CNTNAP5: variants seen among roughly 807,000 people sequenced by gnomAD.
CNTNAP5 encodes the protein contactin-associated protein-like 5.
Under a neutral mutation model 150.2 loss-of-function variants are expected in CNTNAP5, and 72 were observed. That is an observed-to-expected ratio of 0.48 (90% confidence interval 0.40 to 0.58). CNTNAP5 has a LOEUF of 0.58. Ranked by LOEUF, CNTNAP5 falls within the 20% of genes least tolerant of loss-of-function variation. The pLI, the probability that CNTNAP5 is intolerant of heterozygous loss-of-function variation, is 0.00. For synonymous variants in CNTNAP5, 672 were observed against 619.8 expected, an observed-to-expected ratio of 1.08 and a Z score of -1.25; for missense variants, 1,636 against 1,626.2, an observed-to-expected ratio of 1.01 and a Z score of -0.10.
At chr2:124,430,284 T>C (rs1307372086) in intron 4 of CNTNAP5, among the ~76,000 whole-genome samples, 2 of 152,168 alleles carry the variant, frequency 1.3e-5, no homozygotes, top group Non-Finnish European at 2.9e-5. Flanking sequence ...TTGCTCACTA[T>C]ATACCTCTTT....
rs191896827 is a variant in CNTNAP5 at position 124,218,912 on chromosome 2, G to A, written c.83-2793G>A. Among the ~76,000 whole-genome samples the A allele has an allele frequency of 2.9e-3, 446 of 152,082 alleles. 2 individuals are homozygous for A. The highest frequency in any genetic ancestry group is 4.9e-3 in the Admixed American group (75 of 15,240). On this transcript the variant is annotated intron_variant, in intron 1 of 23. Transcript: ENST00000682447. ...CATCTCTATATTTCTCAATGGCCTC[G>A]GAGCTCCTTGAGGTCTAGACTTTAT...
intron 11 of CNTNAP5, among the ~76,000 whole-genome samples, chr2:124,607,804 T>C (rs1677284026): frequency 6.6e-6 from 1 of 151,754 alleles, no homozygotes; most frequent in Admixed American, 6.6e-5. Context: ...AATGTGGGAG[T>C]GGTTGGGAGG....
At position 124,705,353 on chromosome 2, in the gene CNTNAP5, C is replaced by A. The variant is rs181285620; in HGVS notation, c.2078-41876C>A. ...GACCAGCCTGGCCAACCTGATGAGA[C>A]CTCGTCTCTACTAAAAATAAAATAA... is the stretch of plus-strand genomic sequence containing the variant. On this transcript the variant is annotated intron_variant, in intron 13 of 23. Coordinates refer to ENST00000682447, the MANE Select transcript of CNTNAP5 (RefSeq NM_001367498.1). Among the ~76,000 whole-genome samples the A allele has an allele frequency of 2.6e-5, 4 of 152,188 alleles. No homozygotes were observed. The East Asian group carries it at 7.8e-4, about 30-fold the overall frequency.
chr2:124,214,072 C>T (rs1573840981), intron 1 of CNTNAP5, among the ~76,000 whole-genome samples: 1 of 152,002 alleles, frequency 6.6e-6, no homozygotes, highest in African/African-American at 2.4e-5. Context: ...CTGAAATGGA[C>T]AAAAAATGTA....
rs547068661 is a variant in CNTNAP5 at position 124,513,860 on chromosome 2, C to T, written c.1327+9304C>T. ...CTGGCAGCCAGGTGGTTATAGGCTA[C>T]GGCCCTGCAGTTAACAGAGCTGATC... On this transcript the variant is annotated intron_variant, in intron 8 of 23. Coordinates refer to ENST00000682447, the MANE Select transcript of CNTNAP5 (RefSeq NM_001367498.1). 4.6e-5 allele frequency among the ~76,000 whole-genome samples: 7 copies of T among 152,292 alleles called. No individual in the cohort carries two copies. The East Asian group carries it at 5.8e-4, about 13-fold the overall frequency.
intron 3 of CNTNAP5, among the ~76,000 whole-genome samples, chr2:124,278,755 C>T (rs1687947509): frequency 6.6e-6 from 1 of 152,118 alleles, no homozygotes; most frequent in Admixed American, 6.6e-5. Context: ...GGTTTCTAGC[C>T]TTTGATTTTA....
At position 124,747,277 on chromosome 2, in the gene CNTNAP5, C is replaced by A; in HGVS notation, c.2126C>A (p.Pro709His). 1 of 1,613,708 alleles carries A rather than the reference C, an allele frequency of 6.2e-7. No individual in the cohort carries two copies. Among genetic ancestry groups the A allele is most frequent in the Non-Finnish European group, 8.5e-7 (1 of 1,179,756 alleles). The change falls in exon 14 of 24, where the codon CCT (proline) becomes CAT (histidine). Residue 709 changes from proline to histidine, a missense_variant. Physicochemically the swap from Pro to His is moderately conservative, Grantham distance 77 (BLOSUM62 -2). Transcript: ENST00000682447. The part of the protein sequence containing the change: ...WWIGRSNERH[P>H]YWGGSPPGVQ... ...ATTGGGCGGTCCAATGAAAGGCACC[C>A]TTACTGGGGAGGTTCCCCTCCTGGG... is the stretch of plus-strand genomic sequence containing the variant.
At chr2:124,146,285 C>G (rs912687673) in intron 1 of CNTNAP5, among the ~76,000 whole-genome samples, 16 of 152,110 alleles carry the variant, frequency 1.1e-4, no homozygotes, top group Non-Finnish European at 4.4e-5. Flanking sequence ...ACTTAGTTCC[C>G]AAAACAAAAC....
intron 13 of CNTNAP5, among the ~76,000 whole-genome samples, chr2:124,746,533 G>C (rs1018641003): frequency 1.3e-5 from 2 of 152,012 alleles, no homozygotes; most frequent in East Asian, 3.9e-4. Flanking sequence ...TTTGAGCTTA[G>C]AACTAATGAT....
intron 3 of CNTNAP5, among the ~76,000 whole-genome samples, chr2:124,264,395 C>T (rs946484848): frequency 0.24 from 21,150 of 89,624 alleles, 1,480 homozygotes; most frequent in East Asian, 0.33. Context: ...CACATACACA[C>T]ACACACACAC....
At chr2:124,613,484 C>A (rs1250274170) in intron 12 of CNTNAP5, among the ~76,000 whole-genome samples, 2 of 152,278 alleles carry the variant, frequency 1.3e-5, no homozygotes, top group Admixed American at 1.3e-4. Flanking sequence ...AGCCTTTCCT[C>A]GTTGAGAATT....
At chr2:124,407,299 C>T (rs7594672) in intron 3 of CNTNAP5, among the ~76,000 whole-genome samples, 23,560 of 152,136 alleles carry the variant, frequency 0.15, 1,948 homozygotes, top group Non-Finnish European at 0.19. Context: ...TTCTTAGCAG[C>T]TTTATAGCTA....
intron 11 of CNTNAP5, among the ~76,000 whole-genome samples, chr2:124,576,491 T>G (rs1359899566): frequency 2.6e-5 from 4 of 152,226 alleles, no homozygotes; most frequent in Admixed American, 1.3e-4. Context: ...TAGGGATACC[T>G]GCAGCTCACA....
chr2:124,837,774 A>G (rs1317735749), intron 19 of CNTNAP5, among the ~76,000 whole-genome samples: 33 of 152,148 alleles, frequency 2.2e-4, no homozygotes, highest in Admixed American at 2.2e-3. Context: ...ACTAGGCAGA[A>G]ATTTGAACTT....
intron 21 of CNTNAP5, among the ~76,000 whole-genome samples, chr2:124,882,416 A>G (rs1677982323): frequency 6.6e-6 from 1 of 152,152 alleles, no homozygotes; most frequent in African/African-American, 2.4e-5. Flanking sequence ...GTGTGCAAGC[A>G]GTAATTACAG....
chr2:124,359,130 T>A (rs1431371126), intron 3 of CNTNAP5, among the ~76,000 whole-genome samples: 1 of 152,174 alleles, frequency 6.6e-6, no homozygotes, highest in East Asian at 1.9e-4. Context: ...AGTTTGCATT[T>A]CTGTGGGATC....
At chr2:124,677,239 C>T (rs559942956) in intron 13 of CNTNAP5, among the ~76,000 whole-genome samples, 8 of 152,172 alleles carry the variant, frequency 5.3e-5, no homozygotes, top group South Asian at 2.1e-4. Flanking sequence ...AAAGGTGGCG[C>T]GTCTGGGGTA....
intron 8 of CNTNAP5, among the ~76,000 whole-genome samples, chr2:124,511,295 G>T (rs1390304597): frequency 1.3e-5 from 2 of 152,126 alleles, no homozygotes; most frequent in Non-Finnish European, 2.9e-5. Flanking sequence ...TATCTGAAAG[G>T]GATCTGACAT....
At chr2:124,855,896 A>G (rs1261218021) in intron 19 of CNTNAP5, among the ~76,000 whole-genome samples, 1 of 152,052 alleles carries the variant, frequency 6.6e-6, no homozygotes, top group Admixed American at 6.6e-5. Flanking sequence ...CCCAAAGTCC[A>G]TTGTATCATT....
Sources: gnomAD v4.1 joint callset for allele counts (sites outside exome capture counted in the v4.1 genomes callset) on GRCh38, gnomAD v4.1.1 for gene constraint, MANE v1.5 for transcripts, NCBI Gene and HGNC (gene_info 2026-07-23, HGNC 2026-07-21) for gene names.